The following ADAMTS12 variants were observed in gnomAD, a reference collection of about 807,000 sequenced individuals.
ADAMTS12 encodes the protein ADAM metallopeptidase with thrombospondin type 1 motif 12.
ADAMTS12 carries 118 observed loss-of-function variants against 167.8 expected under a neutral mutation model. The ratio of observed to expected loss-of-function variants is 0.70; its 90% CI spans 0.61 to 0.82. The LOEUF (loss-of-function observed/expected upper bound fraction) is 0.82. Ranked by LOEUF, ADAMTS12 falls within the 40% of genes least tolerant of loss-of-function variation. The pLI is 0.00. For synonymous variants in ADAMTS12, 704 were observed against 716.9 expected (o/e 0.98, Z 0.29); for missense variants, 1,916 against 1,998.8 (o/e 0.96, Z 0.79).
chr5:33,785,377 G>C (rs1746289650), intron 2 of ADAMTS12, among the ~76,000 whole-genome samples: 1 of 152,032 alleles, frequency 6.6e-6, no homozygotes, highest in African/African-American at 2.4e-5. Flanking sequence ...GAAATGAAAA[G>C]ATATAATGCA....
chr5:33,577,721 A>G (rs1746831910), intron 18 of ADAMTS12, among the ~76,000 whole-genome samples: 1 of 151,054 alleles, frequency 6.6e-6, no homozygotes, highest in Non-Finnish European at 1.5e-5. Context: ...CCATACTCAC[A>G]CAGGTGCATA....
intron 2 of ADAMTS12, among the ~76,000 whole-genome samples, chr5:33,826,586 G>A (rs12163977): frequency 0.019 from 2,796 of 149,498 alleles, 93 homozygotes; most frequent in African/African-American, 0.066. Context: ...GTGTGTGTGT[G>A]TATATATATA....
chr5:33,842,564 G>A (rs1429606481), intron 2 of ADAMTS12, among the ~76,000 whole-genome samples: 2 of 152,222 alleles, frequency 1.3e-5, no homozygotes, highest in African/African-American at 2.4e-5. Context: ...AGCTTTTCAT[G>A]CTGAAATTAG....
At chr5:33,730,314 G>GTC (rs1554038443) in intron 3 of ADAMTS12, among the ~76,000 whole-genome samples, 5 of 151,748 alleles carry the variant, frequency 3.3e-5, no homozygotes, top group African/African-American at 1.2e-4. Flanking sequence ...GTGTGTGTGT[G>GTC]TGTGTGTCTG....
At chr5:33,618,779 A>G (rs775300635) in intron 14 of ADAMTS12, among the ~76,000 whole-genome samples, 1 of 152,164 alleles carries the variant, frequency 6.6e-6, no homozygotes, top group African/African-American at 2.4e-5. Context: ...TGTCTCTGTT[A>G]CAAGTTCTGT....
At position 33,824,216 on chromosome 5, in the gene ADAMTS12, C is replaced by T. The variant is rs187106024; in HGVS notation, c.489+56903G>A. ...GCTTTATATGGTTAATTTTACTTCA[C>T]CTCAAGGTCACACAGCTTGAGCCTG... On this transcript the variant is annotated intron_variant, in intron 2 of 23. Coordinates refer to ENST00000504830, the MANE Select transcript of ADAMTS12 (RefSeq NM_030955.4). 1.6e-4 allele frequency among the ~76,000 whole-genome samples: 24 copies of T among 152,242 alleles called. No homozygotes were observed. In the East Asian group the frequency reaches 4.6e-3, roughly 29 times the overall value.
chr5:33,659,901 G>A (rs567341710), intron 6 of ADAMTS12, among the ~76,000 whole-genome samples: 1 of 152,314 alleles, frequency 6.6e-6, no homozygotes, highest in South Asian at 2.1e-4. Context: ...GGTTTTCAAT[G>A]AGGGTGGGTG....
chr5:33,657,809 G>A (rs1383400820), intron 7 of ADAMTS12, among the ~76,000 whole-genome samples: 2 of 152,252 alleles, frequency 1.3e-5, no homozygotes, highest in East Asian at 3.9e-4. Flanking sequence ...AAAAATGTTA[G>A]GTTTTATGGC....
chr5:33,743,226 G>A (rs141460883), intron 3 of ADAMTS12, among the ~76,000 whole-genome samples: 340 of 152,330 alleles, frequency 2.2e-3, no homozygotes, highest in African/African-American at 7.9e-3. Flanking sequence ...ACATCAGAAT[G>A]CAGATTGAGC....
intron 3 of ADAMTS12, among the ~76,000 whole-genome samples, chr5:33,749,602 A>T (rs931744095): frequency 3.9e-5 from 6 of 152,152 alleles, no homozygotes. Flanking sequence ...ACCTGGTGGA[A>T]ATTCTATCTG....
intron 3 of ADAMTS12, among the ~76,000 whole-genome samples, chr5:33,736,882 A>T (rs1744394599): frequency 6.6e-6 from 1 of 152,214 alleles, no homozygotes; most frequent in Non-Finnish European, 1.5e-5. Flanking sequence ...GGCTTCCAGC[A>T]AGTTCTAAAC....
chr5:33,639,901 G>C (rs533329451), intron 11 of ADAMTS12, among the ~76,000 whole-genome samples: 2 of 152,348 alleles, frequency 1.3e-5, no homozygotes, highest in South Asian at 4.1e-4. Flanking sequence ...GACCAAGGCA[G>C]TTCACATAGT....
chr5:33,678,601 G>T (rs1361565368), intron 5 of ADAMTS12, among the ~76,000 whole-genome samples: 1 of 152,164 alleles, frequency 6.6e-6, no homozygotes, highest in East Asian at 1.9e-4. Context: ...GACAGTCCAG[G>T]CAACAACAAG....
Position 33,527,161 on chromosome 5 carries a change from CTGG to C in ADAMTS12, c.*24_*26del. The C allele has an allele frequency of 6.2e-7, 1 of 1,613,068 alleles. No homozygotes were observed. ...GTCATGGTCAGCAGGCTGCTGCAGT[CTGG>C]TGGAAGCTGGCTTCCTTTTGGGCTT... On this transcript the variant is annotated 3_prime_UTR_variant, in exon 24 of 24. Transcript: ENST00000504830.
At chr5:33,702,441 T>G (rs1164869833) in intron 3 of ADAMTS12, among the ~76,000 whole-genome samples, 1 of 152,228 alleles carries the variant, frequency 6.6e-6, no homozygotes, top group African/African-American at 2.4e-5. Context: ...TCATCTCCTG[T>G]GTTTTTAAAC....
At chr5:33,653,051 G>A (rs1052666480) in intron 7 of ADAMTS12, among the ~76,000 whole-genome samples, 5 of 151,972 alleles carry the variant, frequency 3.3e-5, no homozygotes, top group Non-Finnish European at 7.4e-5. Context: ...GCAACTATTA[G>A]TACTATGTTG....
chr5:33,799,966 G>A (rs777793208), intron 2 of ADAMTS12, among the ~76,000 whole-genome samples: 3 of 152,198 alleles, frequency 2.0e-5, no homozygotes, highest in Non-Finnish European at 4.4e-5. Flanking sequence ...TAGTGGGGAA[G>A]GGTGACCAAC....
chr5:33,793,580 A>G (rs1746659617), intron 2 of ADAMTS12, among the ~76,000 whole-genome samples: 1 of 152,206 alleles, frequency 6.6e-6, no homozygotes, highest in Admixed American at 6.5e-5. Context: ...TTGAAATGAG[A>G]GACTGTATTG....
rs1033144160 is a variant in ADAMTS12, at chr5:33,721,300, T to C, written c.634+30104A>G. On this transcript the variant is annotated intron_variant, in intron 3 of 23. Coordinates refer to ENST00000504830, the MANE Select transcript of ADAMTS12 (RefSeq NM_030955.4). ...GGCGTGGGTGTTAGTTACATGGACG[T>C]GTTCTGTTTGTGAAAGTTTACAAAC... Among the ~76,000 whole-genome samples the C allele has an allele frequency of 3.3e-5, 5 of 152,334 alleles. No homozygotes were observed. In the Middle Eastern group the frequency reaches 0.01, roughly 311 times the overall value.
Sources: allele counts gnomAD v4.1 joint callset (sites outside exome capture counted in the v4.1 genomes callset), GRCh38; gene constraint gnomAD v4.1.1; transcripts MANE v1.5; gene names NCBI Gene and HGNC (gene_info 2026-07-23, HGNC 2026-07-21).